The following TJP2 variants were observed in gnomAD, a reference collection of about 807,000 sequenced individuals.
TJP2 encodes Friedreich ataxia region gene X104 (tight junction protein ZO-2).
TJP2 carries 91 observed loss-of-function variants against 133.1 expected under a neutral mutation model. The observed-to-expected ratio is 0.68, with a 90% CI of 0.58 to 0.81. The LOEUF (loss-of-function observed/expected upper bound fraction) is 0.81, where lower values mean the gene tolerates loss of function less well. Ranked by LOEUF, TJP2 falls within the 40% of genes least tolerant of loss-of-function variation. The pLI, the probability that TJP2 is intolerant of heterozygous loss-of-function variation, is 0.00. For missense variants in TJP2, 1,541 were observed against 1,565.6 expected, an observed-to-expected ratio of 0.98 and a Z score of 0.26; for synonymous variants, 592 against 583.4, an observed-to-expected ratio of 1.01 and a Z score of -0.21.
At chr9:69,170,056 C>G (rs1021665396), upstream of TJP2, among the ~76,000 whole-genome samples, 1 of 151,978 alleles carries the variant, frequency 6.6e-6, no homozygotes, top group African/African-American at 2.4e-5. Flanking sequence ...ACTATGTTGT[C>G]CAGGCTGGAC....
intron 1 of TJP2, among the ~76,000 whole-genome samples, chr9:69,184,357 GTCTTGCTTGACCT>G (rs1825707135): frequency 6.6e-6 from 1 of 152,206 alleles, no homozygotes; most frequent in Non-Finnish European, 1.5e-5. Context: ...GACTCAGAAG[GTCTTGCTTGACCT>G]TCCACCTTCT....
intron 1 of TJP2, among the ~76,000 whole-genome samples, chr9:69,129,299 C>G (rs938510931): frequency 6.6e-6 from 1 of 152,052 alleles, no homozygotes; most frequent in African/African-American, 2.4e-5. Context: ...TCACTTGAAT[C>G]CAAGAGTTCG....
intron 22 of TJP2, chr9:69,253,941 A>C: frequency 2.0e-6 from 1 of 495,896 alleles, no homozygotes; most frequent in East Asian, 3.9e-5. Flanking sequence ...GCTTAGGGGT[A>C]AGGAGGGCAC....
At chr9:69,213,221 GC>G (rs1192492955) in intron 2 of TJP2, among the ~76,000 whole-genome samples, 1 of 151,858 alleles carries the variant, frequency 6.6e-6, no homozygotes, top group Non-Finnish European at 1.5e-5. Flanking sequence ...CTATCACCAC[GC>G]CCGGCTAATT....
chr9:69,249,324 G>A, intron 19 of TJP2, 51 bp from the exon 20 acceptor site: 1 of 1,562,534 alleles, frequency 6.4e-7, no homozygotes, highest in Non-Finnish European at 8.7e-7. Flanking sequence ...CGAGTGCTCT[G>A]TTCTCTCTGC....
intron 5 of TJP2, 80 bp downstream of exon 5, chr9:69,221,576 G>A (rs770827751): frequency 2.0e-6 from 3 of 1,521,024 alleles, no homozygotes; most frequent in African/African-American, 2.8e-5. Context: ...TTTTTCCCCC[G>A]AAAGTGTTGC....
intron 17 of TJP2, among the ~76,000 whole-genome samples, chr9:69,246,025 G>A (rs1404799818): frequency 6.6e-6 from 1 of 151,984 alleles, no homozygotes; most frequent in Non-Finnish European, 1.5e-5. Flanking sequence ...AAACGTGCAG[G>A]GTTTTTTTCT....
chr9:69,133,265 C>A (rs1822575481), intron 1 of TJP2, among the ~76,000 whole-genome samples: 1 of 151,934 alleles, frequency 6.6e-6, no homozygotes, highest in South Asian at 2.1e-4. Context: ...CCCATCCTTT[C>A]TTTTAAGGCT....
intron 4 of TJP2, among the ~76,000 whole-genome samples, chr9:69,219,601 A>AT (rs1422613234): frequency 6.6e-6 from 1 of 152,024 alleles, no homozygotes; most frequent in Non-Finnish European, 1.5e-5. Context: ...TGTCTTTTTC[A>AT]TTTTTAGAGA....
upstream of TJP2, chr9:69,174,264 TGG>T: frequency 6.6e-7 from 1 of 1,525,498 alleles, no homozygotes; most frequent in East Asian, 2.5e-5. Flanking sequence ...CCCCGGCGGT[TGG>T]GCTGCGGGTC....
At position 69,238,495 on chromosome 9, in the gene TJP2, A is replaced by C. The variant is rs546128363; in HGVS notation, c.2276-215A>C. Among the ~76,000 whole-genome samples the C allele has an allele frequency of 3.3e-5, 5 of 152,256 alleles. No individual in the cohort carries two copies. In the East Asian group the frequency reaches 9.7e-4, roughly 29 times the overall value. On this transcript the variant is annotated intron_variant, in intron 15 of 22. Transcript: ENST00000377245. ...TTACACTGATATTTTGAAGAATCCA[A>C]GCTAGTTGTCTCCTAGAATGCTTCC...
intron 22 of TJP2, 89 bp from the exon 23 acceptor site, chr9:69,254,120 C>G (rs898686638): frequency 9.7e-6 from 14 of 1,448,860 alleles, no homozygotes; most frequent in Non-Finnish European, 1.4e-5. Flanking sequence ...CTCGGGATAC[C>G]CAGTCACTGT....
chr9:69,179,514 T>TC (rs1825337847), intron 1 of TJP2, among the ~76,000 whole-genome samples: 1 of 149,698 alleles, frequency 6.7e-6, no homozygotes, highest in African/African-American at 2.4e-5. Flanking sequence ...TTTCTTTCTT[T>TC]TTTTTTTTTT....
chr9:69,196,967 A>G (rs1489922878), intron 1 of TJP2, among the ~76,000 whole-genome samples: 6 of 151,456 alleles, frequency 4.0e-5, no homozygotes, highest in African/African-American at 7.3e-5. Context: ...ACACACACAC[A>G]CACACACACA....
chr9:69,128,821 TG>T (rs1290377276), intron 1 of TJP2, among the ~76,000 whole-genome samples: 1 of 152,206 alleles, frequency 6.6e-6, no homozygotes, highest in Non-Finnish European at 1.5e-5. Flanking sequence ...CCACTGCGCC[TG>T]GCTATTAGAT....
At chr9:69,250,990 TA>T in intron 20 of TJP2, 44 bp from the exon 21 acceptor site, 1 of 1,566,274 alleles carries the variant, frequency 6.4e-7, no homozygotes, top group Non-Finnish European at 8.8e-7. Context: ...GATTTGAAAA[TA>T]AACTTAAAAG....
chr9:69,166,138 G>C (rs1824342564), intron 2 of TJP2, among the ~76,000 whole-genome samples: 1 of 152,024 alleles, frequency 6.6e-6, no homozygotes, highest in African/African-American at 2.4e-5. Flanking sequence ...TTTGAGGCAG[G>C]GTCTTGCTCT....
chr9:69,172,046 C>T (rs960657665), upstream of TJP2, among the ~76,000 whole-genome samples: 1 of 152,108 alleles, frequency 6.6e-6, no homozygotes, highest in African/African-American at 2.4e-5. Context: ...CTGTCCGCCT[C>T]GACCTCCCAA....
In TJP2 at chr9:69,234,422, T is replaced by G; in HGVS notation, c.1672-17T>G. 2.0e-6 allele frequency: 3 copies of G among 1,511,706 alleles called. No individual in the cohort carries two copies. Among genetic ancestry groups the G allele is most frequent in the Non-Finnish European group, 2.7e-6 (3 of 1,108,958 alleles). 93.6% of individuals were successfully genotyped at this position (1,511,706 alleles called of 1,614,324 possible). A position where few individuals can be genotyped will look rare whatever the true frequency, so the allele number is the denominator to read the frequency against. The stretch of plus-strand genomic sequence containing the variant: ...TCTTTTTTTTTTTTTTCTTTTTCTG[T>G]TTTTCCTTCCTAATAGGTGAACACA... On this transcript the variant is annotated splice_polypyrimidine_tract_variant and intron_variant, in intron 11 of 22. Coordinates refer to ENST00000377245, the MANE Select transcript of TJP2 (RefSeq NM_004817.4).
Sources: gnomAD v4.1 joint callset for allele counts (sites outside exome capture counted in the v4.1 genomes callset) on GRCh38, gnomAD v4.1.1 for gene constraint, MANE v1.5 for transcripts, NCBI Gene and HGNC (gene_info 2026-07-23, HGNC 2026-07-21) for gene names.